The following RDH13 variants were observed in gnomAD, a reference collection of about 807,000 sequenced individuals.
RDH13 encodes the protein retinol dehydrogenase 13.
In RDH13, 35 loss-of-function variants were observed where a neutral mutation model predicts 28.3. The observed-to-expected ratio is 1.24, with a 90% CI of 0.95 to 1.64. The LOEUF is 1.64. Ranked by LOEUF, RDH13 falls within the 40% of genes most tolerant of loss-of-function variation. The pLI, the probability that RDH13 is intolerant of heterozygous loss-of-function variation, is 0.00. For missense variants in RDH13, 514 were observed against 446.3 expected, an observed-to-expected ratio of 1.15 and a Z score of -1.37; for synonymous variants, 229 against 198.5, an observed-to-expected ratio of 1.15 and a Z score of -1.29.
chr19:55,047,932 T>C, intron 5 of RDH13: 1 of 692,934 alleles, frequency 1.4e-6, no homozygotes, highest in South Asian at 1.9e-5. Flanking sequence ...ATTGAGAGCA[T>C]CTGGGCCTTT....
chr19:55,056,477 T>TAAAC (rs2075637507), intron 3 of RDH13, among the ~76,000 whole-genome samples, 176 bp downstream of exon 3: 1 of 150,738 alleles, frequency 6.6e-6, no homozygotes, highest in African/African-American at 2.4e-5. Context: ...TAGTAATAAA[T>TAAAC]AAATAAAGTC....
rs759505965 is a variant in RDH13 at position 55,059,214 on chromosome 19, C to G, written c.127G>C (p.Val43Leu). The change falls in exon 2 of 7, where the codon GTG becomes CTG. Residue 43 changes from valine to leucine, a missense_variant. Physicochemically the swap from Val to Leu is conservative, Grantham distance 32 (BLOSUM62 1). Transcript: ENST00000415061. Reference sequence around the variant, plus strand: ...CCGATGCCTGTGTTGGCACCCGTCACGATGACCGTCTTCCCAGGGATGGTG... The same window carrying G: ...CCGATGCCTGTGTTGGCACCCGTCAGGATGACCGTCTTCCCAGGGATGGTG... ...KATIPGKTVI[V>L]TGANTGIGKQ... The G allele has an allele frequency of 2.9e-5, 46 of 1,605,142 alleles. 2 individuals are homozygous for G. The South Asian group carries it at 4.8e-4, about 17-fold the overall frequency.
At position 55,057,264 on chromosome 19, in the gene RDH13, T is replaced by TA. The variant is rs934191445; in HGVS notation, c.185-457dup. ...GGAGAGGGAATTACAGCTTGATAGT[T>TA]ACAGTGAGCAGGTTTCTTTCTAGGG... is the stretch of plus-strand genomic sequence containing the variant. On this transcript the variant is annotated intron_variant, in intron 2 of 6. Transcript: ENST00000415061. 2.6e-5 allele frequency among the ~76,000 whole-genome samples: 4 copies of TA among 152,144 alleles called. 1 individual carries two copies. Among genetic ancestry groups the TA allele is most frequent in the Admixed American group, 2.0e-4 (3 of 15,258 alleles).
chr19:55,058,367 G>A (rs1273727419), intron 2 of RDH13, among the ~76,000 whole-genome samples: 2 of 149,294 alleles, frequency 1.3e-5, no homozygotes, highest in East Asian at 2.0e-4. Context: ...CAGCCTGGGC[G>A]ACAAGAGCAA....
downstream of RDH13, among the ~76,000 whole-genome samples, chr19:55,043,720 C>T (rs2075104405): frequency 3.3e-5 from 5 of 152,218 alleles, 1 homozygote; most frequent in South Asian, 1.0e-3. Context: ...CCCAGTATCT[C>T]AAATATGAAA....
At chr19:55,060,144 T>C (rs1264696795) in intron 1 of RDH13, among the ~76,000 whole-genome samples, 3 of 142,172 alleles carry the variant, frequency 2.1e-5, no homozygotes, top group Non-Finnish European at 4.6e-5. Flanking sequence ...CTGAGGTGGA[T>C]TGGTAAAAGA....
intron 6 of RDH13, chr19:55,047,155 G>A (rs1049193552): frequency 7.1e-7 from 1 of 1,401,196 alleles, no homozygotes; most frequent in African/African-American, 1.5e-5. Flanking sequence ...CTTCCTCTGA[G>A]ACACGGTTTT....
chr19:55,054,853 A>G (rs1469225824), intron 3 of RDH13, among the ~76,000 whole-genome samples: 1 of 152,116 alleles, frequency 6.6e-6, no homozygotes, highest in Non-Finnish European at 1.5e-5. Flanking sequence ...GGTCACCACA[A>G]AAACAGGTAA....
chr19:55,065,633 C>T (rs542340323), upstream of RDH13, among the ~76,000 whole-genome samples: 43 of 151,760 alleles, frequency 2.8e-4, no homozygotes, highest in Non-Finnish European at 5.3e-4. Context: ...GCCAGAGGAG[C>T]TGGGAAGCAG....
At position 55,045,059 on chromosome 19, in the gene RDH13, A is replaced by G. The variant is rs111503357; in HGVS notation, c.*15T>C. The G allele has an allele frequency of 3.2e-6, 5 of 1,555,622 alleles. No individual in the cohort carries two copies. Among genetic ancestry groups the G allele is most frequent in the Admixed American group, 1.9e-5 (1 of 51,482 alleles). ...TCTGGAGGCGCCATCCTGGCTTTCA[A>G]ATCTGCTCCAGAGGTTATCTGGGGA... On this transcript the variant is annotated 3_prime_UTR_variant, in exon 7 of 7. Coordinates refer to ENST00000415061, the MANE Select transcript of RDH13 (RefSeq NM_001145971.2).
downstream of RDH13, chr19:55,044,235 G>C (rs1335417620): frequency 6.6e-6 from 1 of 152,158 alleles, no homozygotes. Flanking sequence ...TTTCCTAAAA[G>C]GAATAAAGCC....
chr19:55,060,191 T>C (rs1330154159), intron 1 of RDH13, among the ~76,000 whole-genome samples: 1 of 139,198 alleles, frequency 7.2e-6, no homozygotes, highest in Admixed American at 7.4e-5. Context: ...GGAAGGCCAC[T>C]GTCTCCTGCC....
chr19:55,063,981 G>C (rs951720491), upstream of RDH13: 1 of 152,164 alleles, frequency 6.6e-6, no homozygotes, highest in African/African-American at 2.4e-5. Context: ...TGTGCCTGAG[G>C]TGCCAGGAGC....
intron 3 of RDH13, among the ~76,000 whole-genome samples, chr19:55,055,808 G>A (rs1259998647): frequency 6.6e-6 from 1 of 151,864 alleles, no homozygotes; most frequent in Non-Finnish European, 1.5e-5. Flanking sequence ...AGCCATGACT[G>A]CACCACTGCA....
chr19:55,047,530 C>T (rs1490967320), intron 5 of RDH13, 42 bp from the exon 6 acceptor site: 1 of 1,567,322 alleles, frequency 6.4e-7, no homozygotes, highest in Non-Finnish European at 8.6e-7. Context: ...GGGGTCCAGC[C>T]TCACCTGGGA....
chr19:55,063,360 C>A (rs948678381), upstream of RDH13: 2 of 330,654 alleles, frequency 6.0e-6, no homozygotes, highest in Admixed American at 9.8e-5. Flanking sequence ...GCGTATAAGG[C>A]GCTACGCAGT....
chr19:55,041,822 G>T (rs1386089099), downstream of RDH13: 3 of 152,210 alleles, frequency 2.0e-5, no homozygotes, highest in Admixed American at 6.5e-5. Context: ...TCTGAATCAC[G>T]CCAGGCAGGC....
rs368905499 is a variant in RDH13, at chr19:55,048,796, G to C, written c.341-33C>G. 2.0e-4 allele frequency: 308 copies of C among 1,560,786 alleles called. 1 individual carries two copies. The African/African-American group carries it at 4.0e-3, about 20-fold the overall frequency. ...AGAGGGGTGGAGGAGGAGACATCCC[G>C]GTGAGGACAGACCCCAGCCTGATGC... On this transcript the variant is annotated intron_variant, in intron 3 of 6. Coordinates refer to ENST00000415061, the MANE Select transcript of RDH13 (RefSeq NM_001145971.2).
intron 1 of RDH13, among the ~76,000 whole-genome samples, chr19:55,062,609 G>A (rs62124186): frequency 0.091 from 13,791 of 152,302 alleles, 811 homozygotes; most frequent in Non-Finnish European, 0.13. Context: ...GAGCCCAGGA[G>A]GTCAAGGCTG....
Sources: allele counts gnomAD v4.1 joint callset (sites outside exome capture counted in the v4.1 genomes callset), GRCh38; gene constraint gnomAD v4.1.1; transcripts MANE v1.5; gene names NCBI Gene and HGNC (gene_info 2026-07-23, HGNC 2026-07-21).